PADI6: variants seen among roughly 807,000 people sequenced by gnomAD.
The protein encoded by PADI6 is inactive protein-arginine deiminase type-6.
Under a neutral mutation model 78.2 loss-of-function variants are expected in PADI6, and 66 were observed. That is an observed-to-expected ratio of 0.84 (90% CI 0.69 to 1.04). The LOEUF is 1.04. PADI6 is among the 50% of genes least tolerant of loss of function. The pLI is 0.00. For synonymous variants in PADI6, 397 were observed against 346.9 expected, an observed-to-expected ratio of 1.14 and a Z score of -1.60; for missense variants, 854 against 866.1, an observed-to-expected ratio of 0.99 and a Z score of 0.18.
At chr1:17,382,800 C>CT (rs959009699) in intron 6 of PADI6, among the ~76,000 whole-genome samples, 4 of 152,166 alleles carry the variant, frequency 2.6e-5, no homozygotes, top group African/African-American at 9.7e-5. Flanking sequence ...TGTTTTTCCC[C>CT]TTTGAGTCAA....
intron 1 of PADI6, among the ~76,000 whole-genome samples, chr1:17,372,773 T>C (rs1171186058): frequency 6.6e-6 from 1 of 152,028 alleles, no homozygotes; most frequent in Non-Finnish European, 1.5e-5. Flanking sequence ...GGGGATCCTT[T>C]GTGGCTCCCC....
intron 13 of PADI6, among the ~76,000 whole-genome samples, chr1:17,396,361 G>A (rs111561693): frequency 0.01 from 1,552 of 152,272 alleles, 22 homozygotes; most frequent in African/African-American, 0.036. Flanking sequence ...ACTCCAGCCT[G>A]GGCCACAGAG....
At chr1:17,385,876 C>T (rs1348513600) in intron 6 of PADI6, among the ~76,000 whole-genome samples, 2 of 152,144 alleles carry the variant, frequency 1.3e-5, no homozygotes, top group African/African-American at 4.8e-5. Flanking sequence ...GTAAGTCCAG[C>T]AGTACATGGC....
At chr1:17,388,681 C>T (rs1336811022) in intron 7 of PADI6, 96 bp from the exon 8 acceptor site, 3 of 1,462,668 alleles carry the variant, frequency 2.1e-6, no homozygotes, top group African/African-American at 1.4e-5. Flanking sequence ...AAGTGGGGCC[C>T]AGCTGGGGGC....
chr1:17,373,268 CGGGGT>C (rs920325237), intron 2 of PADI6, 35 bp downstream of exon 2: 1 of 1,605,170 alleles, frequency 6.2e-7, no homozygotes, highest in Non-Finnish European at 8.5e-7. Context: ...GGGCATCTCC[CGGGGT>C]GGGACCTAGC....
In PADI6 at chr1:17,372,940, C is replaced by T. The variant is rs1570118276; in HGVS notation, c.117-116C>T. 3.6e-6 allele frequency: 4 copies of T among 1,106,598 alleles called. No homozygotes were observed. The African/African-American group carries it at 4.7e-5, about 13-fold the overall frequency. The allele number at this position is 1,106,598 out of a possible 1,614,324, so 68.5% of individuals were successfully genotyped here. A position where few individuals can be genotyped will look rare whatever the true frequency, so the allele number is the denominator to read the frequency against. ...GGAATAAGGACCCCAGACCACTCTG[C>T]CTCAACACCCTAAGGAGAATGAGGA... On this transcript the variant is annotated intron_variant, in intron 1 of 15. Coordinates refer to ENST00000619609, the MANE Select transcript of PADI6 (RefSeq NM_207421.4).
intron 8 of PADI6, 54 bp downstream of exon 8, chr1:17,388,934 T>A: frequency 7.1e-7 from 1 of 1,401,530 alleles, no homozygotes; most frequent in Non-Finnish European, 1.0e-6. Context: ...TGGCACCCTC[T>A]TCTTTCTATA....
chr1:17,380,478 C>T (rs769473123), intron 4 of PADI6, among the ~76,000 whole-genome samples: 5 of 152,344 alleles, frequency 3.3e-5, no homozygotes, highest in African/African-American at 4.8e-5. Context: ...CGCCATTCTC[C>T]TGCCTCAGCC....
In PADI6 at chr1:17,372,211, C is replaced by T. The variant is rs545111617; in HGVS notation, c.-35C>T. 84 of 1,587,922 alleles carry T rather than the reference C, an allele frequency of 5.3e-5. 1 individual carries two copies. Among genetic ancestry groups the T allele is most frequent in the Non-Finnish European group, 6.2e-5 (72 of 1,156,310 alleles). ...GTGAGCCCTGGGGCGTCTGAGGCTG[C>T]TGTGCTGAGTGAGGGCTGCGGTGCA... On this transcript the variant is annotated 5_prime_UTR_variant, in exon 1 of 16. Coordinates refer to ENST00000619609, the MANE Select transcript of PADI6 (RefSeq NM_207421.4).
At chr1:17,373,027 T>C (rs1390492913) in intron 1 of PADI6, 29 bp from the exon 2 acceptor site, 2 of 1,606,940 alleles carry the variant, frequency 1.2e-6, no homozygotes, top group Non-Finnish European at 1.7e-6. Context: ...GTTTGTGCCC[T>C]GACGCGTGTC....
At chr1:17,373,616 C>T (rs373883108) in intron 2 of PADI6, among the ~76,000 whole-genome samples, 50 of 152,142 alleles carry the variant, frequency 3.3e-4, no homozygotes, top group African/African-American at 9.4e-4. Flanking sequence ...CTCAGCTTCC[C>T]GAGTAGCTGG....
intron 11 of PADI6, 84 bp from the exon 12 acceptor site, chr1:17,394,867 C>CTGG: frequency 6.9e-7 from 1 of 1,454,142 alleles, no homozygotes. Flanking sequence ...GGCCAGCTCC[C>CTGG]TGGAGGCAGC....
chr1:17,372,395 G>GCAGA (rs779164557), intron 1 of PADI6, 34 bp downstream of exon 1: 45 of 1,590,962 alleles, frequency 2.8e-5, no homozygotes, highest in Middle Eastern at 3.3e-4. Context: ...GAGGTGGCAG[G>GCAGA]CAGACAGGCA....
Position 17,394,293 on chromosome 1 carries a change from C to T in PADI6, c.1183-7C>T. 6.2e-7 allele frequency: 1 copy of T among 1,611,620 alleles called. No homozygotes were observed. ...ACACCCCTTCCCTGGCTCGGTCTCT[C>T]CCCCAGAGCCCTGGTATTGGCTACA... On this transcript the variant is annotated splice_region_variant and splice_polypyrimidine_tract_variant and intron_variant, in intron 10 of 15. Transcript: ENST00000619609.
chr1:17,389,278 G>A (rs1042749586), intron 8 of PADI6, among the ~76,000 whole-genome samples: 9 of 152,164 alleles, frequency 5.9e-5, no homozygotes, highest in Non-Finnish European at 1.3e-4. Flanking sequence ...AGAGCCCTGT[G>A]GGCCCTGGGT....
intron 15 of PADI6, 94 bp downstream of exon 15, chr1:17,398,941 A>G: frequency 7.4e-7 from 1 of 1,360,108 alleles, no homozygotes; most frequent in Non-Finnish European, 1.0e-6. Flanking sequence ...TATGGTGGAC[A>G]GCAGATAACG....
At chr1:17,394,190 A>G in intron 10 of PADI6, 108 bp downstream of exon 10, 1 of 1,539,200 alleles carries the variant, frequency 6.5e-7, no homozygotes. Context: ...GTGGCCTCTG[A>G]GGGGGGAGGG....
chr1:17,380,697 C>CT (rs1491525130), intron 4 of PADI6, among the ~76,000 whole-genome samples: 1 of 152,124 alleles, frequency 6.6e-6, no homozygotes, highest in Admixed American at 6.5e-5. Flanking sequence ...TGTCTGGCAA[C>CT]TCTAGGCTCA....
In PADI6 at chr1:17,373,252, G is replaced by A. The variant is rs1285990752; in HGVS notation, c.294+19G>A. On this transcript the variant is annotated intron_variant, in intron 2 of 15. Coordinates refer to ENST00000619609, the MANE Select transcript of PADI6 (RefSeq NM_207421.4). ...GGATAAGGTAAGCCTCAGGGGAAGA[G>A]GTGAGGGGCATCTCCCGGGGTGGGA... 1 of 1,610,754 alleles carries A rather than the reference G, an allele frequency of 6.2e-7. No individual in the cohort carries two copies. The highest frequency in any genetic ancestry group is 8.5e-7 in the Non-Finnish European group (1 of 1,177,442).
Sources: allele counts gnomAD v4.1 joint callset (sites outside exome capture counted in the v4.1 genomes callset), GRCh38; gene constraint gnomAD v4.1.1; transcripts MANE v1.5; gene names NCBI Gene and HGNC (gene_info 2026-07-23, HGNC 2026-07-21).